The following AZIN1 variants were observed in gnomAD, a reference collection of about 807,000 sequenced individuals.
The protein encoded by AZIN1 is antizyme inhibitor 1.
A neutral mutation model predicts 47.4 loss-of-function variants in AZIN1; 12 were observed. The observed-to-expected ratio is 0.25, with a 90% CI of 0.16 to 0.41. The LOEUF (loss-of-function observed/expected upper bound fraction) is 0.41. AZIN1 is among the 10% of genes least tolerant of loss of function. AZIN1 has a pLI of 1.00. For synonymous variants in AZIN1, 155 were observed against 176.3 expected (o/e 0.88, Z 0.96); for missense variants, 410 against 532.4 (o/e 0.77, Z 2.26).
intron 2 of AZIN1, among the ~76,000 whole-genome samples, chr8:102,850,365 C>T (rs766069260): frequency 5.3e-5 from 8 of 152,186 alleles, no homozygotes; most frequent in Non-Finnish European, 1.0e-4. Flanking sequence ...ACTTAGCACC[C>T]AGCTCACAGC....
chr8:102,858,034 A>ACC lies in AZIN1; in HGVS notation c.-119_-118dup, dbSNP rs1006077934. The ACC allele has an allele frequency of 2.5e-6, 1 of 398,896 alleles. No homozygotes were observed. The highest frequency in any genetic ancestry group is 4.4e-6 in the Non-Finnish European group (1 of 226,042). The allele number at this position is 398,896 out of a possible 1,614,324, so 24.7% of individuals were successfully genotyped here. ...TTACATGGACAAGTTGGGAGATGGA[A>ACC]CCCCCCTATCATCAGCTAGGTTCCC... On this transcript the variant is annotated 5_prime_UTR_variant, in exon 2 of 12. An upstream open reading frame in the 5' UTR loses its in-frame stop. Transcript: ENST00000337198.
chr8:102,832,643 A>ATT (rs34290831), intron 9 of AZIN1, among the ~76,000 whole-genome samples: 31,457 of 146,868 alleles, frequency 0.21, 3,817 homozygotes, highest in South Asian at 0.38. Flanking sequence ...TGGCTTTAAG[A>ATT]TTTTTTTTTT....
chr8:102,830,662 A>AGAAAAG (rs778077449), intron 9 of AZIN1, among the ~76,000 whole-genome samples: 3 of 124,864 alleles, frequency 2.4e-5, no homozygotes, highest in Non-Finnish European at 3.6e-5. Flanking sequence ...AAAAAAAAAA[A>AGAAAAG]GAAAAGAAAA....
rs375921383 is a variant in AZIN1 at position 102,846,483 on chromosome 8, T to A, written c.-95-2736A>T. On this transcript the variant is annotated intron_variant, in intron 2 of 11. Coordinates refer to ENST00000337198, the MANE Select transcript of AZIN1 (RefSeq NM_148174.4). ...TTCATCTATTCAATATTAATTCTCTTAACCCTTAAAACCACAATGACGGTA... is the reference window on the plus strand; with the variant it reads ...TTCATCTATTCAATATTAATTCTCTAAACCCTTAAAACCACAATGACGGTA... Among the ~76,000 whole-genome samples, 321 of 152,332 alleles carry A rather than the reference T, an allele frequency of 2.1e-3. 4 individuals carry two copies. The highest frequency in any genetic ancestry group is 0.019 in the South Asian group (91 of 4,832).
At position 102,839,836 on chromosome 8, in the gene AZIN1, T is replaced by TA. The variant is rs3217408; in HGVS notation, c.103-14dup. ...CATTTTTCCCTGTCTATTATGGTTA[T>TA]AAAAAAAAAGACAAATATGAACAAA... On this transcript the variant is annotated splice_polypyrimidine_tract_variant and intron_variant, in intron 3 of 11. Transcript: ENST00000337198. 0.019 allele frequency: 28,492 copies of TA among 1,526,176 alleles called. 258 individuals carry two copies. The highest frequency in any genetic ancestry group is 0.037 in the South Asian group (2,965 of 79,308). The allele number at this position is 1,526,176 out of a possible 1,614,324, so 94.5% of individuals were successfully genotyped here. A position where few individuals can be genotyped will look rare whatever the true frequency, so the allele number is the denominator to read the frequency against.
intron 1 of AZIN1, among the ~76,000 whole-genome samples, chr8:102,863,403 G>A (rs1303410904): frequency 6.6e-6 from 1 of 151,746 alleles, no homozygotes; most frequent in Non-Finnish European, 1.5e-5. Context: ...CGGGACCCCG[G>A]CCCCTCAGGG....
chr8:102,842,091 A>C (rs1414651464), intron 3 of AZIN1, among the ~76,000 whole-genome samples: 1 of 152,092 alleles, frequency 6.6e-6, no homozygotes, highest in African/African-American at 2.4e-5. Flanking sequence ...AGCCTGGGCA[A>C]CAAGAGTGAA....
At chr8:102,848,020 A>G (rs907807022) in intron 2 of AZIN1, among the ~76,000 whole-genome samples, 3 of 152,210 alleles carry the variant, frequency 2.0e-5, no homozygotes, top group South Asian at 2.1e-4. Context: ...TCATAATACC[A>G]TATTTTTACT....
chr8:102,845,548 T>C (rs190050119), intron 2 of AZIN1, among the ~76,000 whole-genome samples: 21 of 152,296 alleles, frequency 1.4e-4, no homozygotes, highest in African/African-American at 3.1e-4. Context: ...CCAGAAAATA[T>C]AGACATTTTA....
chr8:102,845,206 T>C (rs562905522), intron 2 of AZIN1, among the ~76,000 whole-genome samples: 2 of 150,592 alleles, frequency 1.3e-5, no homozygotes, highest in African/African-American at 4.9e-5. Flanking sequence ...CCTGAAAGTA[T>C]ACTCCATTTC....
At chr8:102,838,577 G>C (rs983844556) in intron 5 of AZIN1, among the ~76,000 whole-genome samples, 167 bp downstream of exon 5, 1 of 152,126 alleles carries the variant, frequency 6.6e-6, no homozygotes, top group African/African-American at 2.4e-5. Context: ...CAGAGGTAGA[G>C]AGCCAATAAA....
chr8:102,831,057 C>T (rs75714096), intron 9 of AZIN1, among the ~76,000 whole-genome samples: 1 of 152,136 alleles, frequency 6.6e-6, no homozygotes, highest in African/African-American at 2.4e-5. Context: ...TCACTCTCCA[C>T]GAAAACAAAC....
intron 5 of AZIN1, among the ~76,000 whole-genome samples, chr8:102,836,966 G>A (rs1294372369): frequency 6.6e-6 from 1 of 151,874 alleles, no homozygotes; most frequent in Non-Finnish European, 1.5e-5. Context: ...GTGCAGTGGC[G>A]CAATTTCAGC....
chr8:102,827,300 T>C lies in AZIN1; in HGVS notation c.*1267A>G, dbSNP rs1167738680. 1 of 152,240 alleles carries C rather than the reference T, an allele frequency of 6.6e-6. No individual in the cohort carries two copies. The highest frequency in any genetic ancestry group is 1.5e-5 in the Non-Finnish European group (1 of 68,018). The allele number at this position is 152,240 out of a possible 1,614,324, so 9.4% of individuals were successfully genotyped here. On this transcript the variant is annotated 3_prime_UTR_variant, in exon 12 of 12. Transcript: ENST00000337198. The stretch of plus-strand genomic sequence containing the variant: ...CAAAGCAAATTCCTGGCAACAACTG[T>C]CAGGTTAGTGATGCTAACTCCCTTC...
intron 2 of AZIN1, chr8:102,856,095 T>G (rs944617257): frequency 1.4e-5 from 2 of 147,460 alleles, no homozygotes; most frequent in African/African-American, 4.9e-5. Context: ...TTTTTTTTGT[T>G]TTTTTTTTTT....
chr8:102,849,225 G>C (rs890839061), intron 2 of AZIN1, among the ~76,000 whole-genome samples: 3 of 152,036 alleles, frequency 2.0e-5, no homozygotes, highest in Admixed American at 6.6e-5. Context: ...CCCAGGAGGC[G>C]GAGGTTACAG....
At chr8:102,839,936 T>A in intron 3 of AZIN1, 113 bp from the exon 4 acceptor site, 1 of 647,642 alleles carries the variant, frequency 1.5e-6, no homozygotes, top group Non-Finnish European at 2.5e-6. Context: ...TCAAGACATA[T>A]ATTTACATAC....
intron 2 of AZIN1, among the ~76,000 whole-genome samples, chr8:102,851,310 C>T (rs1226666559): frequency 1.3e-5 from 2 of 152,194 alleles, no homozygotes; most frequent in East Asian, 3.8e-4. Context: ...TACCTTAAGG[C>T]AGAGCTCATT....
intron 1 of AZIN1, among the ~76,000 whole-genome samples, chr8:102,860,232 A>G (rs1813543230): frequency 6.6e-6 from 1 of 152,216 alleles, no homozygotes; most frequent in Non-Finnish European, 1.5e-5. Context: ...TCGGTTGGTC[A>G]GTAAGAAACA....
Sources: allele counts gnomAD v4.1 joint callset (sites outside exome capture counted in the v4.1 genomes callset), GRCh38; gene constraint gnomAD v4.1.1; transcripts MANE v1.5; gene names NCBI Gene and HGNC (gene_info 2026-07-23, HGNC 2026-07-21).